HSD17B11: variants seen among roughly 807,000 people sequenced by gnomAD.
The protein encoded by HSD17B11 is hydroxysteroid 17-beta dehydrogenase 11.
HSD17B11 carries 22 observed loss-of-function variants against 27.8 expected under a neutral mutation model. That is an observed-to-expected ratio of 0.79 (90% CI 0.56 to 1.13). HSD17B11 has a LOEUF of 1.13. HSD17B11 is among the 50% of genes most tolerant of loss of function. The pLI is 0.00. For missense variants in HSD17B11, 314 were observed against 351.1 expected (o/e 0.89, Z 0.84); for synonymous variants, 117 against 132.8 (o/e 0.88, Z 0.82).
intron 6 of HSD17B11, among the ~76,000 whole-genome samples, chr4:87,338,181 C>T (rs191663740): frequency 6.6e-4 from 101 of 152,282 alleles, no homozygotes; most frequent in African/African-American, 2.2e-3. Context: ...CATGCCATTG[C>T]GCTCCAGCCT....
At chr4:87,341,854 A>G (rs1735176333) in intron 5 of HSD17B11, among the ~76,000 whole-genome samples, 1 of 151,330 alleles carries the variant, frequency 6.6e-6, no homozygotes, top group Admixed American at 6.6e-5. Flanking sequence ...CAACAGAGCT[A>G]GACCCTGTCT....
chr4:87,367,589 A>C (rs71607422), intron 4 of HSD17B11, among the ~76,000 whole-genome samples: 5,005 of 152,350 alleles, frequency 0.033, 138 homozygotes, highest in Non-Finnish European at 0.052. Flanking sequence ...AATCAGTCTT[A>C]CCATAATGTG....
In HSD17B11 at chr4:87,374,943, C is replaced by CA. The variant is rs1735790414; in HGVS notation, c.319-114dup. ...GATTCTTGCTCTGTTGCCCAGGCTG[C>CA]AGTACAGTGGCGAAATCTTGGCTCA... On this transcript the variant is annotated intron_variant, in intron 2 of 6. Coordinates refer to ENST00000358290, the MANE Select transcript of HSD17B11 (RefSeq NM_016245.5). 7 of 728,682 alleles carry CA rather than the reference C, an allele frequency of 9.6e-6. No homozygotes were observed. In the East Asian group the frequency reaches 1.9e-4, roughly 20 times the overall value. 45.1% of individuals were successfully genotyped at this position (728,682 alleles called of 1,614,324 possible).
chr4:87,358,061 C>A lies in HSD17B11; in HGVS notation c.558-645G>T, dbSNP rs569336796. Among the ~76,000 whole-genome samples the A allele has an allele frequency of 9.4e-4, 138 of 146,878 alleles. 1 individual carries two copies. The South Asian group carries it at 0.027, about 28-fold the overall frequency. On this transcript the variant is annotated intron_variant, in intron 4 of 6. Transcript: ENST00000358290. ...ACTGCAAGCTCCGCCTCCCGGGTTC[C>A]CGCCATTCTCCTGCCTCAGCCTCCG...
At chr4:87,373,097 T>C (rs918433526) in intron 3 of HSD17B11, 10 of 306,066 alleles carry the variant, frequency 3.3e-5, no homozygotes, top group African/African-American at 2.2e-4. Context: ...CCCAGCACTT[T>C]GGGAGGCCAA....
chr4:87,366,774 A>T (rs913193039), intron 4 of HSD17B11, among the ~76,000 whole-genome samples: 2 of 152,198 alleles, frequency 1.3e-5, no homozygotes, highest in African/African-American at 2.4e-5. Flanking sequence ...ATTCTAGCAG[A>T]TGTTCTTAAA....
In HSD17B11 at chr4:87,373,560, A is replaced by C. The variant is rs530911620; in HGVS notation, c.451-745T>G. 3.9e-5 allele frequency among the ~76,000 whole-genome samples: 6 copies of C among 151,936 alleles called. No individual in the cohort carries two copies. In the East Asian group the frequency reaches 9.7e-4, roughly 25 times the overall value. On this transcript the variant is annotated intron_variant, in intron 3 of 6. Transcript: ENST00000358290. ...CCTCATCTCCACAAAAAATACAAAA[A>C]CTTGCTGGGCATGGTGGTGTACTCC...
At chr4:87,372,645 G>A in intron 4 of HSD17B11, 64 bp downstream of exon 4, 1 of 969,748 alleles carries the variant, frequency 1.0e-6, no homozygotes, top group Non-Finnish European at 1.7e-6. Context: ...TTATTAGACA[G>A]GGTAAGAAAT....
intron 5 of HSD17B11, among the ~76,000 whole-genome samples, chr4:87,345,780 T>A (rs935506555): frequency 1.3e-5 from 2 of 152,092 alleles, no homozygotes; most frequent in Non-Finnish European, 2.9e-5. Context: ...ATCTGAGATC[T>A]TTAATAAGAG....
intron 4 of HSD17B11, among the ~76,000 whole-genome samples, chr4:87,360,984 T>C (rs1735501839): frequency 6.6e-6 from 1 of 152,222 alleles, no homozygotes; most frequent in African/African-American, 2.4e-5. Context: ...AAAATATCCT[T>C]AAAAATTATA....
chr4:87,355,626 G>A (rs1342875943), intron 5 of HSD17B11, among the ~76,000 whole-genome samples: 1 of 152,150 alleles, frequency 6.6e-6, no homozygotes, highest in Non-Finnish European at 1.5e-5. Flanking sequence ...GAGCTCAGCT[G>A]GGCATGGTGG....
intron 2 of HSD17B11, among the ~76,000 whole-genome samples, chr4:87,380,863 CAAAAAAA>C (rs561938045): frequency 2.3e-4 from 17 of 74,728 alleles, no homozygotes; most frequent in East Asian, 7.7e-4. Context: ...GACTCTATCT[CAAAAAAA>C]AAAAAAAAAA....
At chr4:87,378,238 T>C (rs1735882697) in intron 2 of HSD17B11, among the ~76,000 whole-genome samples, 1 of 152,250 alleles carries the variant, frequency 6.6e-6, no homozygotes, top group African/African-American at 2.4e-5. Context: ...CTATTTTATA[T>C]TACCAAAGGA....
intron 5 of HSD17B11, among the ~76,000 whole-genome samples, chr4:87,343,078 T>C (rs894580431): frequency 3.9e-5 from 6 of 152,234 alleles, no homozygotes; most frequent in African/African-American, 1.2e-4. Context: ...ATCCACACTG[T>C]GGCCTTGCTA....
intron 2 of HSD17B11, among the ~76,000 whole-genome samples, chr4:87,378,907 TATATATATATAAATATATATAA>T (rs1412787081): frequency 0.2 from 3,281 of 16,360 alleles, 427 homozygotes; most frequent in East Asian, 0.32. Flanking sequence ...TATATATAAA[TATATATATATAAATATATATAA>T]ATATATATAT....
chr4:87,358,063 GC>G (rs1735425282), intron 4 of HSD17B11, among the ~76,000 whole-genome samples: 2 of 139,476 alleles, frequency 1.4e-5, no homozygotes, highest in Admixed American at 1.6e-4. Context: ...CCGGGTTCCC[GC>G]CATTCTCCTG....
chr4:87,338,683 GT>G (rs2110111150), intron 6 of HSD17B11, among the ~76,000 whole-genome samples: 1 of 152,156 alleles, frequency 6.6e-6, no homozygotes, highest in South Asian at 2.1e-4. Context: ...CTACAGGTGT[GT>G]TCCAACACGC....
At chr4:87,379,683 G>A (rs1264135842) in intron 2 of HSD17B11, among the ~76,000 whole-genome samples, 11 of 140,844 alleles carry the variant, frequency 7.8e-5, no homozygotes, top group Admixed American at 2.9e-4. Flanking sequence ...GTATAATATA[G>A]TATTAGTATA....
At chr4:87,378,800 TATATATATATAAATATAAA>T (rs1719986300) in intron 2 of HSD17B11, among the ~76,000 whole-genome samples, 2 of 44,924 alleles carry the variant, frequency 4.5e-5, no homozygotes, top group African/African-American at 2.9e-4. Context: ...TATGATTTTA[TATATATATATAAATATAAA>T]ATATATATAT....
Sources: gnomAD v4.1 joint callset for allele counts (sites outside exome capture counted in the v4.1 genomes callset) on GRCh38, gnomAD v4.1.1 for gene constraint, MANE v1.5 for transcripts, NCBI Gene and HGNC (gene_info 2026-07-23, HGNC 2026-07-21) for gene names.